Variants in NCR1 observed in about 807,000 individuals in gnomAD.
NCR1 encodes natural cytotoxicity triggering receptor 1.
A neutral mutation model predicts 32.5 loss-of-function variants in NCR1; 30 were observed. That is an observed-to-expected ratio of 0.92 (90% CI 0.69 to 1.25). The LOEUF is 1.25. NCR1 is among the 50% of genes most tolerant of loss of function. The probability of loss-of-function intolerance (pLI) is 0.00; values close to 1 mark genes in which losing one functional copy is unlikely to be tolerated. For synonymous variants in NCR1, 169 were observed against 143.4 expected, an observed-to-expected ratio of 1.18 and a Z score of -1.28; for missense variants, 369 against 380.7, an observed-to-expected ratio of 0.97 and a Z score of 0.26.
chr19:54,932,190 G>A, the NCR1 span, among the ~76,000 whole-genome samples: 1 of 152,068 alleles, frequency 6.6e-6, no homozygotes, highest in African/African-American at 2.4e-5. Context: ...CACTTTGGGA[G>A]GCCGAGGCAG....
intron 5 of NCR1, among the ~76,000 whole-genome samples, chr19:54,910,727 T>C (rs1347817038): frequency 6.6e-6 from 1 of 152,162 alleles, no homozygotes; most frequent in East Asian, 1.9e-4. Context: ...AACGTCAGGA[T>C]AGCACACAGG....
At chr19:54,911,520 G>A (rs1210979913) in intron 5 of NCR1, among the ~76,000 whole-genome samples, 4 of 152,138 alleles carry the variant, frequency 2.6e-5, no homozygotes, top group African/African-American at 4.8e-5. Flanking sequence ...GGAAGGCAGG[G>A]GCGGCTGGAT....
downstream of NCR1, among the ~76,000 whole-genome samples, chr19:54,917,587 CG>C (rs1055097116): frequency 6.6e-6 from 1 of 152,106 alleles, no homozygotes; most frequent in Non-Finnish European, 1.5e-5. Context: ...TCCCAAAGTG[CG>C]AGGATTACAG....
chr19:54,914,395 G>A (rs2068090281), downstream of NCR1, among the ~76,000 whole-genome samples: 1 of 152,064 alleles, frequency 6.6e-6, no homozygotes, highest in Non-Finnish European at 1.5e-5. Flanking sequence ...CTGGAATGCA[G>A]TGGTGCAATC....
At chr19:54,934,987 G>A in the NCR1 span, among the ~76,000 whole-genome samples, 6 of 152,066 alleles carry the variant, frequency 3.9e-5, no homozygotes, top group African/African-American at 1.2e-4. The surrounding 1 kb of genome is among the most constrained non-coding windows in gnomAD (Gnocchi z 6.7). Context: ...GTGAGCCACC[G>A]CGCCTGGCCC....
intron 4 of NCR1, 129 bp from the exon 5 acceptor site, chr19:54,909,889 C>T: frequency 2.8e-6 from 2 of 711,262 alleles, no homozygotes; most frequent in Admixed American, 3.2e-5. Context: ...GAACCGAGAT[C>T]ATACCACCGC....
At chr19:54,911,382 A>G (rs1284204409) in intron 5 of NCR1, among the ~76,000 whole-genome samples, 3 of 130,490 alleles carry the variant, frequency 2.3e-5, no homozygotes, top group Admixed American at 7.8e-5. Flanking sequence ...AAAAGAAAAA[A>G]AAATAGTGAG....
At chr19:54,937,215 C>CA in the NCR1 span, among the ~76,000 whole-genome samples, 1,149 of 77,426 alleles carry the variant, frequency 0.015, 15 homozygotes, top group African/African-American at 0.044. Context: ...GAGACTGTCT[C>CA]AAAAAAAAAA....
the NCR1 span, among the ~76,000 whole-genome samples, chr19:54,931,960 G>A: frequency 1.3e-5 from 2 of 152,010 alleles, no homozygotes; most frequent in African/African-American, 2.4e-5. Flanking sequence ...CTGAGCCCTG[G>A]GTCACTTATT....
At chr19:54,933,541 C>G in the NCR1 span, 6 of 1,607,486 alleles carry the variant, frequency 3.7e-6, no homozygotes, top group Admixed American at 1.7e-5. Flanking sequence ...TTCATGTGCA[C>G]ACACACACAC....
chr19:54,906,161 C>A lies in NCR1; in HGVS notation c.-27C>A. ...CCCGCCCGGCTCAGTCCCCACTGCT[C>A]AGCACTAGGCCGGCAGAATCTGAGC... On this transcript the variant is annotated 5_prime_UTR_variant, in exon 1 of 7. Coordinates refer to ENST00000291890, the MANE Select transcript of NCR1 (RefSeq NM_004829.7). The A allele has an allele frequency of 6.2e-7, 1 of 1,614,120 alleles. No individual in the cohort carries two copies. The highest frequency in any genetic ancestry group is 8.5e-7 in the Non-Finnish European group (1 of 1,180,044).
upstream of NCR1, among the ~76,000 whole-genome samples, chr19:54,902,139 C>G (rs1343897569): frequency 6.6e-6 from 1 of 152,028 alleles, no homozygotes; most frequent in Non-Finnish European, 1.5e-5. Flanking sequence ...ACAGAATGTC[C>G]TTGGTTTTGG....
At chr19:54,918,120 A>T (rs1390846831), downstream of NCR1, among the ~76,000 whole-genome samples, 2 of 151,702 alleles carry the variant, frequency 1.3e-5, no homozygotes, top group African/African-American at 4.8e-5. Context: ...TATTTTTAGT[A>T]GAGACGGGGT....
chr19:54,930,571 T>C, the NCR1 span: 155 of 1,612,560 alleles, frequency 9.6e-5, no homozygotes, highest in African/African-American at 1.5e-3. Context: ...AGCTATCTGG[T>C]TGATACTCAA....
rs1173773762 is a variant in NCR1 at position 54,909,507 on chromosome 19, G to A, written c.618G>A (p.Val206=). ...NHAWSFPSEP[V]KLLVTGDIEN... ...CCTGGTCTTTCCCCAGTGAGCCAGT[G>A]AAGCTCCTGGTCACAGGTGAGGAAA... Residue 206 remains valine (V), a synonymous_variant, in exon 4 of 7, where the codon GTG becomes GTA. Coordinates refer to ENST00000291890, the MANE Select transcript of NCR1 (RefSeq NM_004829.7). 1 of 1,605,386 alleles carries A rather than the reference G, an allele frequency of 6.2e-7. No homozygotes were observed. Among genetic ancestry groups the A allele is most frequent in the African/African-American group, 1.3e-5 (1 of 75,022 alleles).
At chr19:54,905,724 CG>C (rs1569536231), upstream of NCR1, among the ~76,000 whole-genome samples, 1 of 152,104 alleles carries the variant, frequency 6.6e-6, no homozygotes, top group African/African-American at 2.4e-5. Flanking sequence ...TTCTCTTCCT[CG>C]GGGGGAACTG....
At chr19:54,903,110 A>T (rs1440039881), upstream of NCR1, among the ~76,000 whole-genome samples, 1 of 151,906 alleles carries the variant, frequency 6.6e-6, no homozygotes, top group East Asian at 1.9e-4. Flanking sequence ...AGCTTGAGGG[A>T]CAGAGTGAGA....
the NCR1 span, among the ~76,000 whole-genome samples, chr19:54,899,443 G>T: frequency 6.6e-6 from 1 of 151,846 alleles, no homozygotes; most frequent in Non-Finnish European, 1.5e-5. Context: ...TGGAGGGAAG[G>T]GGTTCAGGGG....
the NCR1 span, chr19:54,924,014 C>A: frequency 1.1e-6 from 1 of 896,538 alleles, no homozygotes; most frequent in South Asian, 1.4e-5. Context: ...GTTGCCCAGG[C>A]TGGGGTACAG....
Sources: gnomAD v4.1 joint callset for allele counts (sites outside exome capture counted in the v4.1 genomes callset) on GRCh38, gnomAD v4.1.1 for gene constraint, Gnocchi (gnomAD v3.1) non-coding constraint, MANE v1.5 for transcripts, NCBI Gene and HGNC (gene_info 2026-07-23, HGNC 2026-07-21) for gene names.